Variants in DOCK1 observed in about 807,000 individuals in gnomAD.
DOCK1 encodes the protein dedicator of cytokinesis protein 1.
In DOCK1, 138 loss-of-function variants were observed where a neutral mutation model predicts 262.7. That is an observed-to-expected ratio of 0.53 (90% CI 0.46 to 0.61). DOCK1 has a LOEUF of 0.61. Among genes scored for constraint, DOCK1 ranks in the 20% least tolerant of loss-of-function variants. The pLI is 0.00. For missense variants in DOCK1, 1,908 were observed against 2,370.7 expected (o/e 0.80, Z 4.05); for synonymous variants, 866 against 867.4 (o/e 1.00, Z 0.03).
At chr10:127,158,856 C>T (rs2053329410) in intron 27 of DOCK1, among the ~76,000 whole-genome samples, 1 of 152,186 alleles carries the variant, frequency 6.6e-6, no homozygotes, top group African/African-American at 2.4e-5. Flanking sequence ...TCGCATTCAG[C>T]ACCAGGGACA....
chr10:126,966,617 G>A (rs2037699215), intron 1 of DOCK1, among the ~76,000 whole-genome samples: 1 of 152,022 alleles, frequency 6.6e-6, no homozygotes, highest in African/African-American at 2.4e-5. Context: ...TTGTGGTTTG[G>A]TTTGCATTTT....
intron 29 of DOCK1, among the ~76,000 whole-genome samples, chr10:127,304,865 G>A (rs889006335): frequency 1.3e-5 from 2 of 152,102 alleles, no homozygotes; most frequent in Non-Finnish European, 2.9e-5. Context: ...CTGGGTGACA[G>A]AGTGAGACTT....
At chr10:127,206,808 A>G (rs2057745057) in intron 27 of DOCK1, among the ~76,000 whole-genome samples, 1 of 152,250 alleles carries the variant, frequency 6.6e-6, no homozygotes, top group South Asian at 2.1e-4. Context: ...GTCTTACGGA[A>G]TAGTGCAGGA....
chr10:127,429,961 G>A (rs976039571), intron 47 of DOCK1, among the ~76,000 whole-genome samples: 5 of 152,220 alleles, frequency 3.3e-5, no homozygotes, highest in African/African-American at 1.2e-4. Flanking sequence ...ATTAGGAGCA[G>A]GGAAATTGAT....
At chr10:127,303,883 TGA>T (rs907820855) in intron 29 of DOCK1, among the ~76,000 whole-genome samples, 1 of 151,736 alleles carries the variant, frequency 6.6e-6, no homozygotes, top group Non-Finnish European at 1.5e-5. Context: ...TAGTGGCAGG[TGA>T]GAGAGCATCA....
intron 1 of DOCK1, among the ~76,000 whole-genome samples, chr10:126,926,568 C>A (rs2033740791): frequency 6.6e-6 from 1 of 152,094 alleles, no homozygotes; most frequent in Non-Finnish European, 1.5e-5. Context: ...AAGTCCTAAC[C>A]CTTAGTGCCT....
intron 27 of DOCK1, among the ~76,000 whole-genome samples, chr10:127,187,050 G>A (rs2056338281): frequency 6.6e-6 from 1 of 152,178 alleles, no homozygotes; most frequent in Admixed American, 6.5e-5. Flanking sequence ...TGTCCAGAAG[G>A]GAACGTGACA....
chr10:126,977,908 G>A, intron 2 of DOCK1, 40 bp from the exon 3 acceptor site: 2 of 1,607,482 alleles, frequency 1.2e-6, no homozygotes, highest in Non-Finnish European at 1.7e-6. Context: ...ACCCTAACAT[G>A]TCTCTTTGTA....
chr10:127,096,980 C>G (rs1390944892), intron 23 of DOCK1, among the ~76,000 whole-genome samples: 1 of 152,112 alleles, frequency 6.6e-6, no homozygotes, highest in African/African-American at 2.4e-5. Flanking sequence ...TGGCACACAC[C>G]TGTAATTCTA....
At chr10:127,155,225 G>T (rs1182550758) in intron 27 of DOCK1, among the ~76,000 whole-genome samples, 2 of 152,022 alleles carry the variant, frequency 1.3e-5, no homozygotes, top group African/African-American at 4.8e-5. Flanking sequence ...GTTTTAAATT[G>T]AAAATAACTT....
chr10:127,447,458 A>G lies in DOCK1; in HGVS notation c.5478A>G (p.Lys1826=). ...ATGTCCCACCCCCTCTGCCTCTCAA[A>G]GGCAGCGTGGCAGATTACGGGAATT... ...VADVPPPLPL[K]GSVADYGNLM... The change falls in exon 51 of 52, where the codon AAA becomes AAG. Residue 1826 remains lysine, a synonymous_variant. Coordinates refer to ENST00000623213, the MANE Select transcript of DOCK1 (RefSeq NM_001290223.2). 6.2e-7 allele frequency: 1 copy of G among 1,613,690 alleles called. No homozygotes were observed. Among genetic ancestry groups the G allele is most frequent in the Non-Finnish European group, 8.5e-7 (1 of 1,179,748 alleles).
intron 10 of DOCK1, among the ~76,000 whole-genome samples, chr10:127,004,246 A>AAAAAG (rs1281293790): frequency 7.3e-5 from 10 of 137,576 alleles, no homozygotes; most frequent in South Asian, 4.6e-4. Context: ...TCTCAAAAAA[A>AAAAAG]AAAAGAAAAG....
chr10:127,322,254 A>T (rs775575102), intron 29 of DOCK1, among the ~76,000 whole-genome samples: 6 of 146,684 alleles, frequency 4.1e-5, no homozygotes, highest in Non-Finnish European at 9.0e-5. Flanking sequence ...CAGTGGTGTG[A>T]TCTCGGCTCA....
At chr10:127,229,514 C>G (rs1016614655) in intron 27 of DOCK1, among the ~76,000 whole-genome samples, 2 of 152,122 alleles carry the variant, frequency 1.3e-5, no homozygotes, top group Non-Finnish European at 2.9e-5. Flanking sequence ...ACTTATTTCC[C>G]TTAAAATAAT....
rs555716987 is a variant in DOCK1, at chr10:127,037,917, G to A, written c.2010+101G>A. The A allele has an allele frequency of 6.4e-5, 60 of 931,468 alleles. No homozygotes were observed. In the Middle Eastern group the frequency reaches 8.1e-4, roughly 13 times the overall value. The allele number at this position is 931,468 out of a possible 1,614,324, so 57.7% of individuals were successfully genotyped here. A position where few individuals can be genotyped will look rare whatever the true frequency, so the allele number is the denominator to read the frequency against. ...GTGACTTCAAAGGTAGTATAGGATT[G>A]TGGTTATACTCCCTTTAAAAAATAG... On this transcript the variant is annotated intron_variant, in intron 19 of 51. Transcript: ENST00000623213.
Position 127,100,822 on chromosome 10 carries a change from G to A in DOCK1, c.2446-5409G>A, listed in dbSNP as rs1459253836. On this transcript the variant is annotated intron_variant, in intron 23 of 51. Transcript: ENST00000623213. The surrounding 1 kb of genome is among the most constrained non-coding windows in gnomAD (Gnocchi z 5.5). Reference sequence around the variant, plus strand: ...GCCTTGGCAGGAACAGAGCTGTGGTGCGGGCCGGAGTCAGGCTGCAGTGGG... The same window carrying A: ...GCCTTGGCAGGAACAGAGCTGTGGTACGGGCCGGAGTCAGGCTGCAGTGGG... Among the ~76,000 whole-genome samples the A allele has an allele frequency of 2.0e-5, 3 of 152,160 alleles. No individual in the cohort carries two copies. The highest frequency in any genetic ancestry group is 2.0e-4 in the Admixed American group (3 of 15,286).
chr10:127,160,194 G>A (rs962992056), intron 27 of DOCK1, among the ~76,000 whole-genome samples: 1 of 151,970 alleles, frequency 6.6e-6, no homozygotes, highest in African/African-American at 2.4e-5. Flanking sequence ...CCGAGAAAGT[G>A]ACAAGCATCT....
chr10:127,261,633 A>ATGTGGGTG (rs376600136), intron 29 of DOCK1, among the ~76,000 whole-genome samples: 4 of 41,200 alleles, frequency 9.7e-5, no homozygotes, highest in Non-Finnish European at 1.3e-4. Flanking sequence ...GTGTGTGTGC[A>ATGTGGGTG]TGTGTACCTG....
Position 127,175,208 on chromosome 10 carries a change from A to G in DOCK1, c.2847+47444A>G. On this transcript the variant is annotated intron_variant, in intron 27 of 51. Coordinates refer to ENST00000623213, the MANE Select transcript of DOCK1 (RefSeq NM_001290223.2). The surrounding 1 kb of genome is among the most constrained non-coding windows in gnomAD (Gnocchi z 6.3). The stretch of plus-strand genomic sequence containing the variant: ...CTTCCTAAGACATGGGTGAACATAC[A>G]TACCCTTCCCGATGGGCCTCTCCTT... The G allele has an allele frequency of 6.2e-7, 1 of 1,607,516 alleles. No homozygotes were observed. The highest frequency in any genetic ancestry group is 8.5e-7 in the Non-Finnish European group (1 of 1,176,478).
Sources: allele counts gnomAD v4.1 joint callset (sites outside exome capture counted in the v4.1 genomes callset), GRCh38; gene constraint gnomAD v4.1.1; non-coding constraint Gnocchi (gnomAD v3.1); transcripts MANE v1.5; gene names NCBI Gene and HGNC (gene_info 2026-07-23, HGNC 2026-07-21).